The following PCCA variants were observed in gnomAD, a reference collection of about 807,000 sequenced individuals.
The protein encoded by PCCA is propionyl-CoA carboxylase subunit alpha, also known as propionyl-CoA carboxylase alpha chain, mitochondrial.
Under a neutral mutation model 101.3 loss-of-function variants are expected in PCCA, and 74 were observed. The observed-to-expected ratio is 0.73, with a 90% CI of 0.61 to 0.89. The LOEUF (loss-of-function observed/expected upper bound fraction) is 0.89, where lower values mean the gene tolerates loss of function less well. Among genes scored for constraint, PCCA ranks in the 40% least tolerant of loss-of-function variants. The probability of loss-of-function intolerance (pLI) is 0.00; values close to 1 mark genes in which losing one functional copy is unlikely to be tolerated. For missense variants in PCCA, 891 were observed against 907.0 expected (o/e 0.98, Z 0.23); for synonymous variants, 294 against 313.6 (o/e 0.94, Z 0.66).
At chr13:100,398,272 T>C (rs1173750638) in intron 19 of PCCA, among the ~76,000 whole-genome samples, 1 of 152,210 alleles carries the variant, frequency 6.6e-6, no homozygotes, top group African/African-American at 2.4e-5. Flanking sequence ...TCAAGTCTTT[T>C]AGGTTCAACC....
intron 17 of PCCA, among the ~76,000 whole-genome samples, chr13:100,335,797 G>A (rs1019578817): frequency 1.3e-5 from 2 of 152,152 alleles, no homozygotes; most frequent in Non-Finnish European, 2.9e-5. Flanking sequence ...AGACATGAAA[G>A]TAGACGATCC....
At chr13:100,094,257 TGAAA>T (rs1416714320) in intron 1 of PCCA, among the ~76,000 whole-genome samples, 5 of 144,032 alleles carry the variant, frequency 3.5e-5, no homozygotes, top group African/African-American at 1.3e-4. Context: ...AAAAGATTGG[TGAAA>T]GAATTTGAAA....
chr13:100,154,623 A>C, intron 4 of PCCA: 2 of 327,508 alleles, frequency 6.1e-6, no homozygotes, highest in South Asian at 2.6e-5. Flanking sequence ...GCTCTTTATT[A>C]AAATATTGGG....
chr13:100,184,137 C>T (rs1363119115), intron 6 of PCCA, among the ~76,000 whole-genome samples: 1 of 152,216 alleles, frequency 6.6e-6, no homozygotes, highest in Non-Finnish European at 1.5e-5. Flanking sequence ...GAAGCAGGCA[C>T]GTCTTACATG....
intron 21 of PCCA, among the ~76,000 whole-genome samples, chr13:100,457,690 C>T (rs369128237): frequency 1.5e-4 from 23 of 152,306 alleles, no homozygotes; most frequent in African/African-American, 4.6e-4. Flanking sequence ...ATTTACTGTA[C>T]AAGCATCTTT....
At chr13:100,376,696 G>T (rs1372984836) in intron 19 of PCCA, among the ~76,000 whole-genome samples, 1 of 152,210 alleles carries the variant, frequency 6.6e-6, no homozygotes, top group African/African-American at 2.4e-5. Flanking sequence ...AGACTGCTGT[G>T]CTGGCAGTGA....
chr13:100,529,124 C>G (rs1256666858), intron 23 of PCCA, among the ~76,000 whole-genome samples: 1 of 152,142 alleles, frequency 6.6e-6, no homozygotes, highest in Non-Finnish European at 1.5e-5. Flanking sequence ...AGTTCCAACC[C>G]AGCCAAGAAG....
At chr13:100,317,099 AACTT>A (rs1286082005) in intron 16 of PCCA, among the ~76,000 whole-genome samples, 3 of 152,180 alleles carry the variant, frequency 2.0e-5, no homozygotes, top group African/African-American at 7.2e-5. Context: ...ACTGCCTGCT[AACTT>A]ACTTACTGTT....
intron 17 of PCCA, among the ~76,000 whole-genome samples, chr13:100,336,082 G>A (rs190858712): frequency 7.2e-5 from 11 of 152,264 alleles, no homozygotes; most frequent in Non-Finnish European, 1.3e-4. Context: ...GACTAATGTG[G>A]AGAAACCCCG....
intron 21 of PCCA, among the ~76,000 whole-genome samples, chr13:100,508,977 G>A (rs976926435): frequency 3.0e-4 from 46 of 152,232 alleles, no homozygotes; most frequent in African/African-American, 1.0e-3. Context: ...GCAGTCAGAC[G>A]TATAATAAGG....
intron 7 of PCCA, among the ~76,000 whole-genome samples, chr13:100,235,355 G>T (rs1325586042): frequency 6.6e-6 from 1 of 150,574 alleles, no homozygotes; most frequent in South Asian, 2.1e-4. Context: ...GGAACAATTC[G>T]TAATTCCTGT....
chr13:100,475,935 A>C (rs1352369077), intron 21 of PCCA, among the ~76,000 whole-genome samples: 1 of 152,194 alleles, frequency 6.6e-6, no homozygotes, highest in Non-Finnish European at 1.5e-5. Flanking sequence ...CAAATTGTGT[A>C]TGTTAATTTG....
chr13:100,164,225 C>A (rs1235375882), intron 6 of PCCA, among the ~76,000 whole-genome samples: 1 of 152,112 alleles, frequency 6.6e-6, no homozygotes, highest in Non-Finnish European at 1.5e-5. Flanking sequence ...GAGACATACA[C>A]ATGGGGTCTT....
At chr13:100,352,594 A>G (rs1013336879) in intron 18 of PCCA, among the ~76,000 whole-genome samples, 26 of 151,872 alleles carry the variant, frequency 1.7e-4, no homozygotes, top group Middle Eastern at 6.8e-3. Flanking sequence ...AGGTCTTGCT[A>G]TGTTACCCAG....
chr13:100,158,980 T>C (rs923236264), intron 6 of PCCA, among the ~76,000 whole-genome samples: 1 of 140,086 alleles, frequency 7.1e-6, no homozygotes, highest in Non-Finnish European at 1.5e-5. Flanking sequence ...GGTGCCAGTA[T>C]TATACATTTA....
intron 17 of PCCA, among the ~76,000 whole-genome samples, chr13:100,331,771 A>T: frequency 6.6e-6 from 1 of 151,838 alleles, no homozygotes; most frequent in African/African-American, 2.4e-5. Flanking sequence ...TACTTTTGTG[A>T]CTATTCTTTT....
At position 100,387,975 on chromosome 13, in the gene PCCA, A is replaced by G. The variant is rs558930009; in HGVS notation, c.1746+19401A>G. The stretch of plus-strand genomic sequence containing the variant: ...GGTTGTTATATTACAGTTGGCAAAT[A>G]CTGTAATTAAGACTTCAAGTGATTT... On this transcript the variant is annotated intron_variant, in intron 19 of 23. Transcript: ENST00000376285. Among the ~76,000 whole-genome samples the G allele has an allele frequency of 5.3e-5, 8 of 152,344 alleles. No individual in the cohort carries two copies. The South Asian group carries it at 6.2e-4, about 12-fold the overall frequency.
At chr13:100,366,551 G>T (rs949673088) in intron 18 of PCCA, among the ~76,000 whole-genome samples, 1 of 151,818 alleles carries the variant, frequency 6.6e-6, no homozygotes, top group Non-Finnish European at 1.5e-5. Context: ...AAGGTGCTAA[G>T]AAAAAAAAGA....
intron 12 of PCCA, among the ~76,000 whole-genome samples, chr13:100,275,514 C>T (rs957924907): frequency 1.3e-5 from 2 of 152,106 alleles, no homozygotes; most frequent in African/African-American, 4.8e-5. Context: ...AGACAGTTCA[C>T]GTGTGCCTCT....
Sources: gnomAD v4.1 joint callset for allele counts (sites outside exome capture counted in the v4.1 genomes callset) on GRCh38, gnomAD v4.1.1 for gene constraint, MANE v1.5 for transcripts, NCBI Gene and HGNC (gene_info 2026-07-23, HGNC 2026-07-21) for gene names.